TRAPPC9: variants seen among roughly 807,000 people sequenced by gnomAD.
The protein encoded by TRAPPC9 is IKK2 binding protein.
TRAPPC9 carries 83 observed loss-of-function variants against 124.0 expected under a neutral mutation model. That is an observed-to-expected ratio of 0.67 (90% confidence interval 0.56 to 0.80). TRAPPC9 has a LOEUF of 0.80. Ranked by LOEUF, TRAPPC9 falls within the 30% of genes least tolerant of loss-of-function variation. The pLI is 0.00. For missense variants in TRAPPC9, 1,302 were observed against 1,508.3 expected (o/e 0.86, Z 2.27); for synonymous variants, 638 against 617.5 (o/e 1.03, Z -0.49).
At chr8:140,263,375 G>T (rs113111084) in intron 15 of TRAPPC9, among the ~76,000 whole-genome samples, 3 of 152,268 alleles carry the variant, frequency 2.0e-5, no homozygotes, top group African/African-American at 7.2e-5. Flanking sequence ...AAGCACAGTG[G>T]GTACTGGGGA....
At chr8:140,403,103 A>C (rs2069338513) in intron 6 of TRAPPC9, among the ~76,000 whole-genome samples, 1 of 152,198 alleles carries the variant, frequency 6.6e-6, no homozygotes, top group Admixed American at 6.5e-5. Flanking sequence ...TAAAAAACTA[A>C]GGAAAAGAGT....
intron 21 of TRAPPC9, among the ~76,000 whole-genome samples, chr8:139,859,673 C>T (rs1415246019): frequency 2.6e-5 from 4 of 152,182 alleles, no homozygotes; most frequent in African/African-American, 9.7e-5. Context: ...AAGCTGGGGA[C>T]ATATAACAGT....
Position 139,910,271 on chromosome 8 carries a change from A to C in TRAPPC9, c.2840T>G (p.Phe947Cys). The C allele has an allele frequency of 6.2e-7, 1 of 1,614,166 alleles. No homozygotes were observed. The highest frequency in any genetic ancestry group is 1.1e-5 in the South Asian group (1 of 91,088). ...RMAIQVDKFN[F>C]ESFPESPGEK... ...CCCAGGGGACTCCGGGAAACTCTCA[A>C]AGTTGAACTTGTCCACTTGAATAGC... The change falls in exon 20 of 23, where the codon TTT becomes TGT. Residue 947 changes from phenylalanine to cysteine, a missense_variant. By Grantham distance (205) the Phe-to-Cys change is radical (BLOSUM62 -2). Coordinates refer to ENST00000438773, the MANE Select transcript of TRAPPC9 (RefSeq NM_001160372.4).
intron 17 of TRAPPC9, among the ~76,000 whole-genome samples, chr8:140,117,577 G>A (rs189732075): frequency 3.6e-4 from 55 of 152,264 alleles, no homozygotes; most frequent in African/African-American, 1.0e-3. Context: ...TCACAAGAGC[G>A]GAGCCCTCAT....
intron 18 of TRAPPC9, among the ~76,000 whole-genome samples, chr8:140,013,659 G>A (rs921294987): frequency 6.6e-5 from 10 of 152,192 alleles, no homozygotes; most frequent in South Asian, 2.1e-4. Flanking sequence ...CTGCAAAGCC[G>A]CCTGTGTTTA....
At chr8:140,362,222 C>T (rs2067975790) in intron 8 of TRAPPC9, among the ~76,000 whole-genome samples, 1 of 152,152 alleles carries the variant, frequency 6.6e-6, no homozygotes, top group Non-Finnish European at 1.5e-5. Flanking sequence ...TGCCTGATAA[C>T]AAAGTTGGTA....
rs71320356 is a variant in TRAPPC9 at position 140,404,909 on chromosome 8, C to CGTGTGTGTGTGTGTGTGTGTGT, written c.1008+646_1008+667dup. 1.0e-3 allele frequency among the ~76,000 whole-genome samples: 124 copies of CGTGTGTGTGTGTGTGTGTGTGT among 120,050 alleles called. 2 individuals are homozygous for CGTGTGTGTGTGTGTGTGTGTGT. Among genetic ancestry groups the CGTGTGTGTGTGTGTGTGTGTGT allele is most frequent in the Admixed American group, 1.5e-3 (19 of 12,298 alleles). 78.8% of individuals were successfully genotyped at this position (120,050 alleles called of 152,430 possible). A position where few individuals can be genotyped will look rare whatever the true frequency, so the allele number is the denominator to read the frequency against. On this transcript the variant is annotated intron_variant, in intron 6 of 22. Coordinates refer to ENST00000438773, the MANE Select transcript of TRAPPC9 (RefSeq NM_001160372.4). ...ATGTGTGCACGTGTGTGTGAGCATG[C>CGTGTGTGTGTGTGTGTGTGTGT]GTGTGTGTGTGTGTGTGTGTGTGTG...
chr8:139,895,485 G>A (rs1341760801), intron 20 of TRAPPC9, among the ~76,000 whole-genome samples: 3 of 152,194 alleles, frequency 2.0e-5, no homozygotes, highest in African/African-American at 7.2e-5. Context: ...GCTCTGGGAG[G>A]TGGAGAAGGA....
At chr8:140,377,823 G>A (rs574036713) in intron 7 of TRAPPC9, among the ~76,000 whole-genome samples, 4 of 152,248 alleles carry the variant, frequency 2.6e-5, no homozygotes, top group African/African-American at 4.8e-5. Context: ...AGATGGACAC[G>A]GTGGTGCACA....
intron 4 of TRAPPC9, among the ~76,000 whole-genome samples, chr8:140,431,164 C>T (rs926814474): frequency 1.3e-5 from 2 of 151,926 alleles, no homozygotes; most frequent in African/African-American, 4.8e-5. Flanking sequence ...ATAAGAACTA[C>T]TGACCCTCCT....
Position 139,823,059 on chromosome 8 carries a change from G to A in TRAPPC9, c.3055+62820C>T, listed in dbSNP as rs554592693. On this transcript the variant is annotated intron_variant, in intron 21 of 22. Transcript: ENST00000438773. ...AGGGACAGTAATTTGATTGACTCAGGCCCCATCCTCATCCCCCATTTAAGC... is the reference window on the plus strand; with the variant it reads ...AGGGACAGTAATTTGATTGACTCAGACCCCATCCTCATCCCCCATTTAAGC... Among the ~76,000 whole-genome samples, 7 of 152,230 alleles carry A rather than the reference G, an allele frequency of 4.6e-5. No homozygotes were observed. In the South Asian group the frequency reaches 1.0e-3, roughly 23 times the overall value.
At chr8:139,842,099 A>G (rs1826771509) in intron 21 of TRAPPC9, among the ~76,000 whole-genome samples, 1 of 152,206 alleles carries the variant, frequency 6.6e-6, no homozygotes, top group Admixed American at 6.5e-5. Context: ...CTTGCATTAG[A>G]AACTAGGAAC....
At chr8:139,820,007 C>CAAAAAA (rs35064399) in intron 21 of TRAPPC9, among the ~76,000 whole-genome samples, 1 of 51,814 alleles carries the variant, frequency 1.9e-5, no homozygotes, top group African/African-American at 8.1e-5. Context: ...GACTCTGTCT[C>CAAAAAA]AAAAAAAAAA....
At chr8:139,989,576 T>G (rs1281505895) in intron 18 of TRAPPC9, among the ~76,000 whole-genome samples, 1 of 152,230 alleles carries the variant, frequency 6.6e-6, no homozygotes, top group Non-Finnish European at 1.5e-5. Context: ...GCTTTTAGCC[T>G]TCCGCCTTCC....
chr8:140,234,127 G>A (rs959318151), intron 16 of TRAPPC9, among the ~76,000 whole-genome samples: 2 of 152,178 alleles, frequency 1.3e-5, no homozygotes, highest in Non-Finnish European at 2.9e-5. Flanking sequence ...AGCAGGAGGT[G>A]AGTGGAGGGC....
At chr8:139,841,303 T>C (rs1195109098) in intron 21 of TRAPPC9, among the ~76,000 whole-genome samples, 1 of 152,218 alleles carries the variant, frequency 6.6e-6, no homozygotes, top group African/African-American at 2.4e-5. Flanking sequence ...GCAACCCTAA[T>C]TGCCTTTTGC....
At chr8:139,737,802 C>A (rs898662) in intron 21 of TRAPPC9, among the ~76,000 whole-genome samples, 112,835 of 152,020 alleles carry the variant, frequency 0.74, 44,276 homozygotes, top group East Asian at 0.89. Context: ...AAGGAGACCA[C>A]GTCAAGTGGG....
At chr8:140,365,883 G>A (rs1348017244) in intron 8 of TRAPPC9, among the ~76,000 whole-genome samples, 1 of 152,170 alleles carries the variant, frequency 6.6e-6, no homozygotes, top group Non-Finnish European at 1.5e-5. Flanking sequence ...ATTAAGCCTA[G>A]TACCCATTAG....
chr8:139,791,596 T>A (rs985306164), intron 21 of TRAPPC9, among the ~76,000 whole-genome samples: 1 of 142,558 alleles, frequency 7.0e-6, no homozygotes, highest in African/African-American at 2.5e-5. Context: ...ACACACACAC[T>A]CACACAGGCG....
Sources: allele counts gnomAD v4.1 joint callset (sites outside exome capture counted in the v4.1 genomes callset), GRCh38; gene constraint gnomAD v4.1.1; transcripts MANE v1.5; gene names NCBI Gene and HGNC (gene_info 2026-07-23, HGNC 2026-07-21).